The following MARCHF3 variants were observed in gnomAD, a reference collection of about 807,000 sequenced individuals.
The protein encoded by MARCHF3 is E3 ubiquitin-protein ligase MARCHF3.
In MARCHF3, 13 loss-of-function variants were observed where a neutral mutation model predicts 24.2. The observed-to-expected ratio is 0.54, with a 90% CI of 0.35 to 0.85. The LOEUF (loss-of-function observed/expected upper bound fraction) is 0.85, where lower values mean the gene tolerates loss of function less well. Ranked by LOEUF, MARCHF3 falls within the 40% of genes least tolerant of loss-of-function variation. The pLI, the probability that MARCHF3 is intolerant of heterozygous loss-of-function variation, is 0.01. For synonymous variants in MARCHF3, 144 were observed against 137.3 expected (o/e 1.05, Z -0.34); for missense variants, 276 against 325.0 (o/e 0.85, Z 1.16).
At chr5:126,978,263 C>T (rs1751270501) in intron 1 of MARCHF3, among the ~76,000 whole-genome samples, 1 of 152,132 alleles carries the variant, frequency 6.6e-6, no homozygotes, top group African/African-American at 2.4e-5. Flanking sequence ...GACCTAAAGG[C>T]CAGAAAGGGC....
chr5:126,969,844 C>G (rs1750939761), intron 1 of MARCHF3, among the ~76,000 whole-genome samples: 1 of 152,164 alleles, frequency 6.6e-6, no homozygotes, highest in Non-Finnish European at 1.5e-5. Flanking sequence ...GCTGCTGGCC[C>G]TAAGACCACA....
intron 1 of MARCHF3, among the ~76,000 whole-genome samples, chr5:126,921,788 T>C (rs192989761): frequency 5.3e-5 from 8 of 152,292 alleles, no homozygotes; most frequent in Admixed American, 5.2e-4. Flanking sequence ...GCTTGACACC[T>C]TGCATAATTT....
At chr5:126,879,162 A>G (rs1181845276) in intron 3 of MARCHF3, among the ~76,000 whole-genome samples, 2 of 152,162 alleles carry the variant, frequency 1.3e-5, no homozygotes, top group East Asian at 1.9e-4. Flanking sequence ...AGAATTAAGC[A>G]TATTTGTTTG....
chr5:126,967,998 C>T (rs1750874440), intron 1 of MARCHF3, among the ~76,000 whole-genome samples: 1 of 152,192 alleles, frequency 6.6e-6, no homozygotes, highest in African/African-American at 2.4e-5. Flanking sequence ...CAGCCCCGGG[C>T]AACCACTAAT....
At chr5:126,880,638 G>C (rs558904025) in intron 3 of MARCHF3, among the ~76,000 whole-genome samples, 27 of 152,252 alleles carry the variant, frequency 1.8e-4, no homozygotes, top group Middle Eastern at 3.4e-3. Context: ...AAGCTGAACT[G>C]AGAAGAGGAT....
chr5:126,873,120 T>C lies in MARCHF3; in HGVS notation c.604-2329A>G, dbSNP rs769084733. On this transcript the variant is annotated intron_variant, in intron 4 of 4. Transcript: ENST00000308660. ...GAGCTGTGCACACTGGCATTAGTAA[T>C]TGGAGAAGTAGTTATGAGTGCAGGC... Among the ~76,000 whole-genome samples the C allele has an allele frequency of 4.6e-5, 7 of 152,090 alleles. No individual in the cohort carries two copies. The East Asian group carries it at 7.7e-4, about 17-fold the overall frequency.
intron 1 of MARCHF3, among the ~76,000 whole-genome samples, chr5:126,957,614 T>G (rs1169842114): frequency 1.3e-5 from 2 of 152,190 alleles, no homozygotes; most frequent in Non-Finnish European, 2.9e-5. Context: ...CATCTTTATC[T>G]GTAGTAAATT....
At chr5:126,894,907 T>G (rs1421254425) in intron 3 of MARCHF3, among the ~76,000 whole-genome samples, 1 of 151,960 alleles carries the variant, frequency 6.6e-6, no homozygotes, top group Non-Finnish European at 1.5e-5. Context: ...CAGAGTGTTT[T>G]CCAACTTGGT....
chr5:126,891,990 G>C (rs1429137314), intron 3 of MARCHF3, among the ~76,000 whole-genome samples: 1 of 151,456 alleles, frequency 6.6e-6, no homozygotes, highest in Non-Finnish European at 1.5e-5. Flanking sequence ...AGTTCTCCTT[G>C]AAGAGGTCCT....
At chr5:126,919,468 T>C (rs182269644) in intron 1 of MARCHF3, among the ~76,000 whole-genome samples, 1 of 152,160 alleles carries the variant, frequency 6.6e-6, no homozygotes, top group Non-Finnish European at 1.5e-5. Flanking sequence ...AAATGAAATA[T>C]CTTGTTATTT....
chr5:126,927,014 G>A (rs535521947), intron 1 of MARCHF3, among the ~76,000 whole-genome samples: 51 of 152,068 alleles, frequency 3.4e-4, no homozygotes, highest in African/African-American at 1.2e-3. Flanking sequence ...CACAACTACT[G>A]ACATCTGCTT....
chr5:126,894,993 G>T (rs1237182688), intron 3 of MARCHF3, among the ~76,000 whole-genome samples: 2 of 152,044 alleles, frequency 1.3e-5, no homozygotes, highest in Non-Finnish European at 2.9e-5. Context: ...ATATTTCTTG[G>T]AGGCTTTGCT....
chr5:126,923,883 G>C (rs189919093), intron 1 of MARCHF3, among the ~76,000 whole-genome samples: 16 of 152,138 alleles, frequency 1.1e-4, no homozygotes, highest in Non-Finnish European at 2.4e-4. Context: ...TCTACAACCA[G>C]AGTTGGTTGA....
intron 1 of MARCHF3, among the ~76,000 whole-genome samples, chr5:126,920,174 T>G (rs776547103): frequency 6.6e-6 from 1 of 152,188 alleles, no homozygotes; most frequent in African/African-American, 2.4e-5. Flanking sequence ...AGATATCTTC[T>G]TTTTATTTTT....
intron 1 of MARCHF3, among the ~76,000 whole-genome samples, chr5:126,978,794 G>C (rs988299842): frequency 3.3e-5 from 5 of 152,166 alleles, no homozygotes; most frequent in Non-Finnish European, 7.3e-5. Context: ...TATGTACTGT[G>C]TGACCAGCCC....
intron 1 of MARCHF3, 21 bp from the exon 2 acceptor site, chr5:126,918,248 G>C: frequency 6.9e-7 from 1 of 1,446,978 alleles, no homozygotes; most frequent in Non-Finnish European, 9.2e-7. Context: ...TCAGAAAACA[G>C]TTTACTTGGG....
chr5:127,013,227 T>C (rs1388436322), intron 1 of MARCHF3, among the ~76,000 whole-genome samples: 1 of 152,190 alleles, frequency 6.6e-6, no homozygotes, highest in East Asian at 1.9e-4. Flanking sequence ...CATCATGGAC[T>C]CTTTCTCATT....
intron 1 of MARCHF3, among the ~76,000 whole-genome samples, chr5:126,928,376 C>G (rs571414680): frequency 6.6e-6 from 1 of 152,354 alleles, no homozygotes; most frequent in South Asian, 2.1e-4. Flanking sequence ...TTCCCAAATT[C>G]TCCTTCAATT....
At chr5:127,018,262 T>C (rs1230981573) in intron 1 of MARCHF3, among the ~76,000 whole-genome samples, 1 of 151,830 alleles carries the variant, frequency 6.6e-6, no homozygotes, top group African/African-American at 2.4e-5. Context: ...TCCTAGCTGC[T>C]AGAGAGGCTG....
Sources: gnomAD v4.1 joint callset for allele counts (sites outside exome capture counted in the v4.1 genomes callset) on GRCh38, gnomAD v4.1.1 for gene constraint, MANE v1.5 for transcripts, NCBI Gene and HGNC (gene_info 2026-07-23, HGNC 2026-07-21) for gene names.